Variants in CHRDL1 observed in about 807,000 individuals in gnomAD.
The protein encoded by CHRDL1 is chordin like 1, also known as chordin-like protein 1.
Under a neutral mutation model 40.9 loss-of-function variants are expected in CHRDL1, and 19 were observed. That is an observed-to-expected ratio of 0.46 (90% confidence interval 0.32 to 0.68). The LOEUF (loss-of-function observed/expected upper bound fraction) is 0.68, where lower values mean the gene tolerates loss of function less well. Ranked by LOEUF, CHRDL1 falls within the 30% of genes least tolerant of loss-of-function variation. CHRDL1 has a pLI of 0.03. For missense variants in CHRDL1, 329 were observed against 352.1 expected (o/e 0.93, Z 0.53); for synonymous variants, 136 against 123.4 (o/e 1.10, Z -0.68).
rs1315534062 is a variant in CHRDL1, at chrX:110,770,448, T to C, written c.95-7641A>G. ...GGAAATTCGTATCACTAAATATCTA[T>C]ATTGGAAAAGGAGAAAAGTCTCAAA... On this transcript the variant is annotated intron_variant, in intron 2 of 11. Coordinates refer to ENST00000372042, the MANE Select transcript of CHRDL1 (RefSeq NM_001143981.2). Among the ~76,000 whole-genome samples the C allele has an allele frequency of 2.7e-5, 3 of 111,314 alleles. No homozygotes were observed. The East Asian group carries it at 8.4e-4, about 31-fold the overall frequency.
At chrX:110,739,702 G>A (rs1205659748) in intron 4 of CHRDL1, among the ~76,000 whole-genome samples, 1 of 112,234 alleles carries the variant, frequency 8.9e-6, no homozygotes, top group Non-Finnish European at 1.9e-5. Flanking sequence ...TTTTGTCTTT[G>A]CAGATATATT....
At chrX:110,755,840 G>A (rs2089443893) in intron 4 of CHRDL1, among the ~76,000 whole-genome samples, 1 of 111,809 alleles carries the variant, frequency 8.9e-6, no homozygotes, top group Admixed American at 9.5e-5. Context: ...TCACTGGGGT[G>A]GAAGGAACAC....
intron 4 of CHRDL1, among the ~76,000 whole-genome samples, chrX:110,723,901 T>C (rs1200468918): frequency 8.9e-6 from 1 of 112,644 alleles, no homozygotes; most frequent in Non-Finnish European, 1.9e-5. Flanking sequence ...TCCTTACTTT[T>C]GCCTTATAAA....
At chrX:110,722,133 G>C (rs1249273545) in intron 4 of CHRDL1, among the ~76,000 whole-genome samples, 1 of 110,143 alleles carries the variant, frequency 9.1e-6, no homozygotes, top group Non-Finnish European at 1.9e-5. Flanking sequence ...AAGTAGCTGG[G>C]ACTACAGGCG....
chrX:110,746,510 A>G (rs1381866345), intron 4 of CHRDL1, among the ~76,000 whole-genome samples: 3 of 111,577 alleles, frequency 2.7e-5, no homozygotes, highest in Admixed American at 1.9e-4. Flanking sequence ...CATCAGCATT[A>G]TTGTGCGGCA....
At position 110,688,795 on chromosome X, in the gene CHRDL1, A is replaced by T; in HGVS notation, c.787T>A (p.Ser263Thr). The change falls in exon 9 of 12, where the codon TCC (serine) becomes ACC (threonine). Residue 263 changes from serine (S) to threonine (T), a missense_variant. Physicochemically the swap from Ser to Thr is moderately conservative, Grantham distance 58. Transcript: ENST00000372042. ...CCATGAGAATAGGTCTTTCCATTGG[A>T]AACACACACTGAAAGAGAATGCAGA... ...NKHKHGQVCV[S>T]NGKTYSHGES... 1 of 1,199,495 alleles carries T rather than the reference A, an allele frequency of 8.3e-7. No homozygotes were observed. Among genetic ancestry groups the T allele is most frequent in the Non-Finnish European group, 1.1e-6 (1 of 885,605 alleles).
intron 6 of CHRDL1, among the ~76,000 whole-genome samples, chrX:110,714,703 A>T (rs2070810114): frequency 1.8e-5 from 2 of 111,672 alleles, no homozygotes; most frequent in African/African-American, 6.5e-5. Context: ...TGTCTGACCC[A>T]GGAAGAAAGA....
chrX:110,689,061 A>AATAT (rs2070088991), intron 8 of CHRDL1, among the ~76,000 whole-genome samples: 1 of 76,271 alleles, frequency 1.3e-5, no homozygotes, highest in Non-Finnish European at 2.5e-5. Flanking sequence ...GCAGTCCATA[A>AATAT]ATATATATAT....
At chrX:110,762,297 G>C (rs946999347) in intron 3 of CHRDL1, among the ~76,000 whole-genome samples, 1 of 111,827 alleles carries the variant, frequency 8.9e-6, no homozygotes, top group Non-Finnish European at 1.9e-5. Flanking sequence ...TATTTTATGA[G>C]ATAGGGTCTT....
At chrX:110,687,056 C>A (rs1288988221) in intron 9 of CHRDL1, among the ~76,000 whole-genome samples, 11 of 110,789 alleles carry the variant, frequency 9.9e-5, no homozygotes, top group Non-Finnish European at 1.3e-4. Context: ...GGGGTTGTTA[C>A]ATTGAGGAAG....
At chrX:110,734,652 A>T (rs2148480699) in intron 4 of CHRDL1, among the ~76,000 whole-genome samples, 1 of 112,139 alleles carries the variant, frequency 8.9e-6, no homozygotes, top group African/African-American at 3.2e-5. Context: ...AGAGCAGCAA[A>T]ACGTGAGGGC....
chrX:110,693,958 G>A lies in CHRDL1; in HGVS notation c.778+205C>T, dbSNP rs1301798110. The stretch of plus-strand genomic sequence containing the variant: ...AAGAGGCTGTTTACAAAAGGGACCG[G>A]ACTATGCTCTTTTGGCTGCATTTAA... On this transcript the variant is annotated intron_variant, in intron 8 of 11. Coordinates refer to ENST00000372042, the MANE Select transcript of CHRDL1 (RefSeq NM_001143981.2). Among the ~76,000 whole-genome samples, 15 of 111,386 alleles carry A rather than the reference G, an allele frequency of 1.3e-4. No homozygotes were observed. In the Admixed American group the frequency reaches 1.4e-3, roughly 11 times the overall value.
chrX:110,773,171 A>T (rs2148520890), intron 2 of CHRDL1, among the ~76,000 whole-genome samples: 1 of 112,158 alleles, frequency 8.9e-6, no homozygotes, highest in African/African-American at 3.2e-5. Flanking sequence ...GGTAGTCTGT[A>T]TTATTCAGTT....
At chrX:110,781,314 A>G (rs2089938351) in intron 2 of CHRDL1, among the ~76,000 whole-genome samples, 1 of 111,635 alleles carries the variant, frequency 9.0e-6, no homozygotes. Context: ...CAAATCCTAC[A>G]AGGTGGCTCC....
At chrX:110,718,706 CTG>C (rs1415910407) in intron 6 of CHRDL1, among the ~76,000 whole-genome samples, 1 of 112,307 alleles carries the variant, frequency 8.9e-6, no homozygotes, top group Non-Finnish European at 1.9e-5. Context: ...AGAGGCCTTC[CTG>C]ACAACTCAAC....
At chrX:110,686,898 T>TA (rs773964159) in intron 9 of CHRDL1, among the ~76,000 whole-genome samples, 4,360 of 90,965 alleles carry the variant, frequency 0.048, 347 homozygotes, top group African/African-American at 0.18. Context: ...AAACAAAAAA[T>TA]AAAAAAAAAA....
intron 2 of CHRDL1, among the ~76,000 whole-genome samples, chrX:110,764,668 G>A (rs1482479658): frequency 1.8e-5 from 2 of 111,615 alleles, no homozygotes; most frequent in Non-Finnish European, 3.8e-5. Context: ...GTAGGGTCAG[G>A]CAAAAAGAGC....
chrX:110,763,210 C>G (rs1414061670), intron 2 of CHRDL1, among the ~76,000 whole-genome samples: 1 of 109,713 alleles, frequency 9.1e-6, no homozygotes, highest in Non-Finnish European at 1.9e-5. Context: ...TTTGTGAGAC[C>G]CTGGTGCATC....
intron 6 of CHRDL1, among the ~76,000 whole-genome samples, chrX:110,701,579 C>T (rs1195992536): frequency 9.0e-6 from 1 of 111,608 alleles, no homozygotes; most frequent in African/African-American, 3.3e-5. Context: ...TCTGGGAGGC[C>T]GAAGTAGGCA....
Sources: gnomAD v4.1 joint callset for allele counts (sites outside exome capture counted in the v4.1 genomes callset) on GRCh38, gnomAD v4.1.1 for gene constraint, MANE v1.5 for transcripts, NCBI Gene and HGNC (gene_info 2026-07-23, HGNC 2026-07-21) for gene names.